The following METRNL variants were observed in gnomAD, a reference collection of about 807,000 sequenced individuals.
METRNL encodes meteorin like, glial cell differentiation regulator.
In METRNL, 9 loss-of-function variants were observed where a neutral mutation model predicts 17.4. The ratio of observed to expected loss-of-function variants is 0.52; its 90% confidence interval spans 0.31 to 0.90. The LOEUF (loss-of-function observed/expected upper bound fraction) is 0.90. Among genes scored for constraint, METRNL ranks in the 40% least tolerant of loss-of-function variants. The pLI is 0.05. For missense variants in METRNL, 408 were observed against 430.7 expected (o/e 0.95, Z 0.47); for synonymous variants, 215 against 199.3 (o/e 1.08, Z -0.66).
At chr17:83,088,233 A>G (rs765616948) in intron 2 of METRNL, among the ~76,000 whole-genome samples, 2 of 152,198 alleles carry the variant, frequency 1.3e-5, no homozygotes, top group Non-Finnish European at 2.9e-5. Context: ...ACCCCGCAGG[A>G]TGGGGGTGGC....
chr17:83,082,991 G>T (rs1312890863), intron 1 of METRNL, among the ~76,000 whole-genome samples: 4 of 152,270 alleles, frequency 2.6e-5, no homozygotes, highest in African/African-American at 9.6e-5. Context: ...AGACCCGTCT[G>T]AGTGCGCTGA....
chr17:83,089,923 A>T (rs1268037347), intron 2 of METRNL, among the ~76,000 whole-genome samples: 2 of 151,208 alleles, frequency 1.3e-5, no homozygotes, highest in Non-Finnish European at 3.0e-5. Context: ...CCGGCCCCAC[A>T]CCCCTGCCGT....
At chr17:83,089,695 C>G (rs1284064642) in intron 2 of METRNL, among the ~76,000 whole-genome samples, 1 of 152,182 alleles carries the variant, frequency 6.6e-6, no homozygotes, top group African/African-American at 2.4e-5. Flanking sequence ...GCAGCGCGTT[C>G]CGCAGCCTTT....
intron 2 of METRNL, among the ~76,000 whole-genome samples, chr17:83,089,739 A>G (rs1600490457): frequency 6.7e-6 from 1 of 150,304 alleles, no homozygotes; most frequent in African/African-American, 2.5e-5. Context: ...TTGTCTCCCG[A>G]TTGTCTCCCG....
intron 1 of METRNL, chr17:83,084,232 G>A (rs1054487712): frequency 5.3e-5 from 8 of 152,142 alleles, no homozygotes; most frequent in African/African-American, 9.7e-5. Flanking sequence ...TGCAGAAAAC[G>A]GTCAAGTCAT....
intron 1 of METRNL, 119 bp downstream of exon 1, chr17:83,080,104 G>GCCGCTCTCCAGGCC: frequency 2.2e-6 from 1 of 459,420 alleles, no homozygotes; most frequent in Non-Finnish European, 2.9e-6. Flanking sequence ...GGCTCCGGGG[G>GCCGCTCTCCAGGCC]CCGCTCTCCA....
chr17:83,081,176 G>A lies in METRNL; in HGVS notation c.170+1191G>A, dbSNP rs562547330. Among the ~76,000 whole-genome samples the A allele has an allele frequency of 2.0e-4, 30 of 151,540 alleles. 1 individual carries two copies. In the South Asian group the frequency reaches 4.6e-3, roughly 23 times the overall value. On this transcript the variant is annotated intron_variant, in intron 1 of 3. Transcript: ENST00000320095. Reference sequence around the variant, plus strand: ...CGGCCGAGCGGGGCCGCGGGCGGATGGAGGTCTGGGGGGGGTCGGCCGGGA... The same window carrying A: ...CGGCCGAGCGGGGCCGCGGGCGGATAGAGGTCTGGGGGGGGTCGGCCGGGA...
At chr17:83,083,348 T>C (rs2038011525) in intron 1 of METRNL, among the ~76,000 whole-genome samples, 1 of 151,064 alleles carries the variant, frequency 6.6e-6, no homozygotes, top group Admixed American at 6.6e-5. Flanking sequence ...GGAGAGAGGG[T>C]CGAGGCTCGG....
chr17:83,093,320 A>G lies in METRNL; in HGVS notation c.616+94A>G, dbSNP rs140603527. The G allele has an allele frequency of 3.8e-3, 4,173 of 1,098,854 alleles. 88 individuals carry two copies. In the African/African-American group the frequency reaches 0.051, roughly 13 times the overall value. 68.1% of individuals were successfully genotyped at this position (1,098,854 alleles called of 1,614,324 possible). A position where few individuals can be genotyped will look rare whatever the true frequency, so the allele number is the denominator to read the frequency against. ...CAGGAGTCCCTCTTCAGGGCCCAGG[A>G]CAGCCTTCCGGTGCTGCGTGGACCC... On this transcript the variant is annotated intron_variant, in intron 3 of 3. Transcript: ENST00000320095.
intron 1 of METRNL, among the ~76,000 whole-genome samples, chr17:83,080,483 G>C (rs1393776293): frequency 1.3e-5 from 2 of 149,552 alleles, no homozygotes; most frequent in East Asian, 2.0e-4. Flanking sequence ...GAGCCGGGCC[G>C]AGTGTGGCTC....
intron 2 of METRNL, among the ~76,000 whole-genome samples, chr17:83,092,752 C>G (rs145647615): frequency 6.6e-6 from 1 of 152,122 alleles, no homozygotes; most frequent in Non-Finnish European, 1.5e-5. Context: ...GCAACAGGCA[C>G]GTGAGCGATT....
rs145606529 is a variant in METRNL at position 83,081,685 on chromosome 17, A to ACC, written c.170+1707_170+1708dup. On this transcript the variant is annotated intron_variant, in intron 1 of 3. Coordinates refer to ENST00000320095, the MANE Select transcript of METRNL (RefSeq NM_001004431.3). ...ACCCCCCCACACACACACACAGGGGACCCCCCCCAACACACACACACCTGC... is the reference window on the plus strand; with the variant it reads ...ACCCCCCCACACACACACACAGGGGACCCCCCCCCCAACACACACACACCTGC... 1.6e-3 allele frequency among the ~76,000 whole-genome samples: 241 copies of ACC among 150,372 alleles called. 1 individual carries two copies. The highest frequency in any genetic ancestry group is 5.7e-3 in the African/African-American group (233 of 40,658).
intron 2 of METRNL, among the ~76,000 whole-genome samples, chr17:83,088,057 C>G (rs776667914): frequency 6.6e-6 from 1 of 152,170 alleles, no homozygotes; most frequent in African/African-American, 2.4e-5. Flanking sequence ...AAGAGTTGGC[C>G]GGAACACGGG....
At chr17:83,087,626 G>A (rs901454581) in intron 2 of METRNL, among the ~76,000 whole-genome samples, 13 of 152,176 alleles carry the variant, frequency 8.5e-5, no homozygotes, top group Admixed American at 7.8e-4. Context: ...TGTCGGTGCC[G>A]GCCGTCTGGC....
chr17:83,094,782 C>T lies in METRNL; in HGVS notation c.*207C>T, dbSNP rs1600496487. On this transcript the variant is annotated 3_prime_UTR_variant, in exon 4 of 4. Coordinates refer to ENST00000320095, the MANE Select transcript of METRNL (RefSeq NM_001004431.3). ...AGGATGCCCTGGCCGATTGGAAATG[C>T]TGTAAAATGCAAACTAAGTTATTAT... 2 of 402,236 alleles carry T rather than the reference C, an allele frequency of 5.0e-6. No homozygotes were observed. The highest frequency in any genetic ancestry group is 7.1e-5 in the East Asian group (2 of 28,030). The allele number at this position is 402,236 out of a possible 1,614,324, so 24.9% of individuals were successfully genotyped here. A position where few individuals can be genotyped will look rare whatever the true frequency, so the allele number is the denominator to read the frequency against.
intron 2 of METRNL, among the ~76,000 whole-genome samples, chr17:83,087,129 G>A (rs760028239): frequency 6.6e-6 from 1 of 152,196 alleles, no homozygotes; most frequent in Admixed American, 6.5e-5. Flanking sequence ...TCCTGGGCCT[G>A]TGGGGTCCTG....
Position 83,094,841 on chromosome 17 carries a change from A to C in METRNL, c.*266A>C, listed in dbSNP as rs2038185433. ...TTGGTAAAAAAGAAATGTCCATAGG[A>C]AACAAATTCCCGTGTCTTAAAACGC... On this transcript the variant is annotated 3_prime_UTR_variant, in exon 4 of 4. Transcript: ENST00000320095. 2.7e-6 allele frequency: 1 copy of C among 374,162 alleles called. No homozygotes were observed. The highest frequency in any genetic ancestry group is 2.1e-5 in the African/African-American group (1 of 48,110). The allele number at this position is 374,162 out of a possible 1,614,324, so 23.2% of individuals were successfully genotyped here. A position where few individuals can be genotyped will look rare whatever the true frequency, so the allele number is the denominator to read the frequency against.
At chr17:83,093,028 G>A (rs1402224414) in intron 2 of METRNL, 139 bp from the exon 3 acceptor site, 6 of 662,776 alleles carry the variant, frequency 9.1e-6, no homozygotes, top group Non-Finnish European at 1.6e-5. Flanking sequence ...TTGAAGTGGC[G>A]TTGGTCACAA....
chr17:83,082,488 A>G (rs1265563319), intron 1 of METRNL, among the ~76,000 whole-genome samples: 1 of 152,250 alleles, frequency 6.6e-6, no homozygotes, highest in African/African-American at 2.4e-5. Context: ...GTATCTGTTC[A>G]GTCTGTTGAT....
Sources: gnomAD v4.1 joint callset for allele counts (sites outside exome capture counted in the v4.1 genomes callset) on GRCh38, gnomAD v4.1.1 for gene constraint, MANE v1.5 for transcripts, NCBI Gene and HGNC (gene_info 2026-07-23, HGNC 2026-07-21) for gene names.